Variants in ADCY10 observed in about 807,000 individuals in gnomAD.
ADCY10 encodes adenylate cyclase type 10.
ADCY10 carries 156 observed loss-of-function variants against 183.3 expected under a neutral mutation model. The observed-to-expected ratio is 0.85, with a 90% CI of 0.75 to 0.97. The LOEUF (loss-of-function observed/expected upper bound fraction) is 0.97. Among genes scored for constraint, ADCY10 ranks in the 50% least tolerant of loss-of-function variants. The pLI is 0.00. For synonymous variants in ADCY10, 645 were observed against 670.0 expected (o/e 0.96, Z 0.58); for missense variants, 1,745 against 1,934.3 (o/e 0.90, Z 1.84).
At chr1:167,904,714 G>A in intron 2 of ADCY10, 1 of 608,760 alleles carries the variant, frequency 1.6e-6, no homozygotes. Flanking sequence ...GGCTGGAGAG[G>A]ATGAGTCAGT....
chr1:167,862,909 T>G (rs1484969913), intron 14 of ADCY10, among the ~76,000 whole-genome samples: 1 of 152,224 alleles, frequency 6.6e-6, no homozygotes, highest in African/African-American at 2.4e-5. Flanking sequence ...CCATACTATC[T>G]ACTTCCATGA....
intron 1 of ADCY10, among the ~76,000 whole-genome samples, chr1:167,912,535 T>A (rs778040585): frequency 4.6e-5 from 7 of 152,352 alleles, no homozygotes; most frequent in Admixed American, 6.5e-5. Flanking sequence ...ACCAATCCCC[T>A]GAACCCTATG....
intron 26 of ADCY10, among the ~76,000 whole-genome samples, chr1:167,827,477 T>C (rs942007224): frequency 3.6e-4 from 54 of 151,362 alleles, no homozygotes; most frequent in African/African-American, 7.0e-4. Context: ...GCTGATTTAA[T>C]GTACTTTTAT....
chr1:167,894,480 A>G (rs1668818293), intron 7 of ADCY10, among the ~76,000 whole-genome samples: 1 of 152,116 alleles, frequency 6.6e-6, no homozygotes, highest in Admixed American at 6.5e-5. Context: ...GGTTCCCTTC[A>G]CTATAAAGAT....
intron 9 of ADCY10, among the ~76,000 whole-genome samples, chr1:167,882,749 A>G (rs1220692065): frequency 6.6e-6 from 1 of 152,094 alleles, no homozygotes; most frequent in Non-Finnish European, 1.5e-5. Flanking sequence ...TAGTGAGCTC[A>G]GACGGGGATG....
At position 167,875,164 on chromosome 1, in the gene ADCY10, T is replaced by C; in HGVS notation, c.1429A>G (p.Ile477Val). ...GGGTAATCCTCCTTTCTGTTGCAGA[T>C]GAGGCACGCCATACCAAACATGCTG... ...EKVMFGMACL[I>V]CNRKEDYPLL... Residue 477 changes from isoleucine (I) to valine (V), a missense_variant, in exon 13 of 33, where the codon ATC (isoleucine) becomes GTC (valine). Coordinates refer to ENST00000367851, the MANE Select transcript of ADCY10 (RefSeq NM_018417.6). 1 of 1,614,174 alleles carries C rather than the reference T, an allele frequency of 6.2e-7. No individual in the cohort carries two copies. The highest frequency in any genetic ancestry group is 8.5e-7 in the Non-Finnish European group (1 of 1,180,020).
chr1:167,904,709 G>A (rs1261614278), intron 2 of ADCY10: 6 of 606,812 alleles, frequency 9.9e-6, no homozygotes, highest in Non-Finnish European at 1.8e-5. Context: ...CTTGGGGCTG[G>A]AGAGGATGAG....
At position 167,856,178 on chromosome 1, in the gene ADCY10, T is replaced by C; in HGVS notation, c.2158A>G (p.Lys720Glu). 1 of 1,613,954 alleles carries C rather than the reference T, an allele frequency of 6.2e-7. No homozygotes were observed. Among genetic ancestry groups the C allele is most frequent in the African/African-American group, 1.3e-5 (1 of 75,038 alleles). The change falls in exon 17 of 33, where the codon AAA becomes GAA. Residue 720 changes from lysine to glutamate, a missense_variant. Transcript: ENST00000367851. Reference sequence around the variant, plus strand: ...GAGGTTACTTACGAGTCCAGTTCTTTGGAGATGCAGCTCACATTGAGGTCA... The same window carrying C: ...GAGGTTACTTACGAGTCCAGTTCTTCGGAGATGCAGCTCACATTGAGGTCA... ...CLDLNVSCIS[K>E]ELDSYLGEGS...
intron 13 of ADCY10, among the ~76,000 whole-genome samples, chr1:167,873,765 A>C (rs1667261910): frequency 6.6e-6 from 1 of 152,240 alleles, no homozygotes; most frequent in African/African-American, 2.4e-5. Context: ...TGCTAGAAAA[A>C]TATCTCCATG....
intron 18 of ADCY10, among the ~76,000 whole-genome samples, chr1:167,852,017 A>G (rs1665533539): frequency 6.6e-6 from 1 of 152,184 alleles, no homozygotes; most frequent in African/African-American, 2.4e-5. Flanking sequence ...TAAAGTATAC[A>G]ATTCAGCGGC....
chr1:167,847,560 C>T (rs1021392044), intron 19 of ADCY10, among the ~76,000 whole-genome samples: 33 of 152,090 alleles, frequency 2.2e-4, no homozygotes, highest in African/African-American at 7.7e-4. Flanking sequence ...GGATTACATG[C>T]ATGCGCCACC....
At chr1:167,831,573 T>G (rs1161043590) in intron 25 of ADCY10, among the ~76,000 whole-genome samples, 2 of 152,238 alleles carry the variant, frequency 1.3e-5, no homozygotes, top group African/African-American at 2.4e-5. Flanking sequence ...CATACTCATT[T>G]TTGAGATGAG....
Position 167,896,657 on chromosome 1 carries a change from A to G in ADCY10, c.677T>C (p.Phe226Ser). 1.2e-6 allele frequency: 2 copies of G among 1,613,566 alleles called. No homozygotes were observed. The highest frequency in any genetic ancestry group is 1.7e-6 in the Non-Finnish European group (2 of 1,179,500). The change falls in exon 7 of 33, where the codon TTT (phenylalanine) becomes TCT (serine). Residue 226 changes from phenylalanine to serine, a missense_variant. Coordinates refer to ENST00000367851, the MANE Select transcript of ADCY10 (RefSeq NM_018417.6). ...CGTACACTTTGTGAAAAATTCATCA[A>G]AATTAAAATTGGGGGGTGGTTTTAA... ...NFLKPPPNFN[F>S]DEFFTKCTTF...
intron 1 of ADCY10, among the ~76,000 whole-genome samples, chr1:167,909,197 T>C (rs2102477328): frequency 6.6e-6 from 1 of 152,350 alleles, no homozygotes; most frequent in Non-Finnish European, 1.5e-5. Flanking sequence ...ATCCATGTTG[T>C]TGTATATCAA....
intron 14 of ADCY10, among the ~76,000 whole-genome samples, chr1:167,869,045 A>G (rs1666898098): frequency 6.6e-6 from 1 of 152,242 alleles, no homozygotes; most frequent in African/African-American, 2.4e-5. Flanking sequence ...CTGTCTACAC[A>G]TAGATAATCA....
intron 1 of ADCY10, among the ~76,000 whole-genome samples, chr1:167,912,799 T>C (rs941570969): frequency 1.3e-5 from 2 of 152,252 alleles, no homozygotes; most frequent in Non-Finnish European, 2.9e-5. Flanking sequence ...ATCGGAGCCG[T>C]ATCAATTCTA....
chr1:167,909,485 C>T (rs1332708018), intron 1 of ADCY10, among the ~76,000 whole-genome samples: 2 of 152,172 alleles, frequency 1.3e-5, no homozygotes, highest in South Asian at 2.1e-4. Flanking sequence ...CACATGCGGT[C>T]CAGGATGGCT....
intron 6 of ADCY10, among the ~76,000 whole-genome samples, chr1:167,897,615 ATCGGC>A (rs752739617): frequency 0.018 from 746 of 40,650 alleles, 86 homozygotes; most frequent in Middle Eastern, 0.04. Flanking sequence ...GTGTGACAAC[ATCGGC>A]TGGCAACTCT....
In ADCY10 at chr1:167,845,740, C is replaced by T. The variant is rs779693508; in HGVS notation, c.2830G>A (p.Asp944Asn). 13 of 1,614,110 alleles carry T rather than the reference C, an allele frequency of 8.1e-6. No homozygotes were observed. Among genetic ancestry groups the T allele is most frequent in the Non-Finnish European group, 1.0e-5 (12 of 1,180,058 alleles). ...TTCAAGTGCATGGCTTTTCTCTGGT[C>T]CTTGAGCCACAGCTCGTAGGCTGTT... The part of the protein sequence containing the change: ...QKTAYELWLK[D>N]QRKAMHLKCA... Residue 944 changes from aspartate (D) to asparagine (N), a missense_variant, in exon 21 of 33, where the codon GAC (aspartate) becomes AAC (asparagine). Physicochemically the swap from Asp to Asn is conservative, Grantham distance 23. Coordinates refer to ENST00000367851, the MANE Select transcript of ADCY10 (RefSeq NM_018417.6).
Sources: allele counts gnomAD v4.1 joint callset (sites outside exome capture counted in the v4.1 genomes callset), GRCh38; gene constraint gnomAD v4.1.1; transcripts MANE v1.5; gene names NCBI Gene and HGNC (gene_info 2026-07-23, HGNC 2026-07-21).